The following NAV3 variants were observed in gnomAD, a reference collection of about 807,000 sequenced individuals.
NAV3 encodes neuron navigator 3, also known as pore membrane and/or filament interacting like protein 1.
A neutral mutation model predicts 244.7 loss-of-function variants in NAV3; 87 were observed. That is an observed-to-expected ratio of 0.36 (90% CI 0.30 to 0.42). The LOEUF (loss-of-function observed/expected upper bound fraction) is 0.42. Among genes scored for constraint, NAV3 ranks in the 20% least tolerant of loss-of-function variants. The pLI, the probability that NAV3 is intolerant of heterozygous loss-of-function variation, is 1.00. For synonymous variants in NAV3, 1,126 were observed against 1,042.2 expected (o/e 1.08, Z -1.55); for missense variants, 2,663 against 2,893.3 (o/e 0.92, Z 1.83).
chr12:77,983,090 C>T (rs887315426), intron 5 of NAV3, among the ~76,000 whole-genome samples: 2 of 152,102 alleles, frequency 1.3e-5, no homozygotes, highest in African/African-American at 4.8e-5. Flanking sequence ...AGGCAGAGGT[C>T]AGTTTGTGGA....
chr12:77,924,734 T>A (rs1401240557), intron 1 of NAV3, among the ~76,000 whole-genome samples: 1 of 152,138 alleles, frequency 6.6e-6, no homozygotes, highest in Admixed American at 6.5e-5. Flanking sequence ...AAGTAGTCGA[T>A]CTAAATATTG....
intron 2 of NAV3, among the ~76,000 whole-genome samples, chr12:77,756,490 C>T (rs866559867): frequency 6.6e-6 from 1 of 152,064 alleles, no homozygotes; most frequent in Non-Finnish European, 1.5e-5. Context: ...ATTATCTTGG[C>T]CATTCTCTTG....
intron 12 of NAV3, among the ~76,000 whole-genome samples, chr12:78,086,205 T>A (rs2137919438): frequency 6.6e-6 from 1 of 152,202 alleles, no homozygotes; most frequent in African/African-American, 2.4e-5. Flanking sequence ...TTGGTATAAG[T>A]AGTATTACTA....
At chr12:78,135,085 C>T (rs916810961) in intron 18 of NAV3, among the ~76,000 whole-genome samples, 2 of 152,148 alleles carry the variant, frequency 1.3e-5, no homozygotes, top group Admixed American at 1.3e-4. Flanking sequence ...AGATGGAAAG[C>T]AAAACTACCA....
intron 11 of NAV3, among the ~76,000 whole-genome samples, chr12:78,052,903 A>G (rs574871942): frequency 5.3e-5 from 8 of 151,940 alleles, no homozygotes; most frequent in Non-Finnish European, 1.0e-4. Flanking sequence ...ACATAAGTAT[A>G]CCCATATAAT....
At chr12:77,883,006 C>T (rs1352521558) in intron 1 of NAV3, among the ~76,000 whole-genome samples, 1 of 152,084 alleles carries the variant, frequency 6.6e-6, no homozygotes, top group Non-Finnish European at 1.5e-5. Context: ...ATTAGGTCAG[C>T]CTCTGTGGAA....
intron 12 of NAV3, among the ~76,000 whole-genome samples, chr12:78,067,631 C>G (rs1344559653): frequency 2.0e-5 from 3 of 151,994 alleles, no homozygotes; most frequent in African/African-American, 7.2e-5. Context: ...GTGCTCAATC[C>G]TGGGCTTTTT....
At chr12:77,999,952 G>A (rs1021764136) in intron 7 of NAV3, among the ~76,000 whole-genome samples, 4 of 152,154 alleles carry the variant, frequency 2.6e-5, no homozygotes, top group Non-Finnish European at 4.4e-5. Flanking sequence ...TAAGCAACAC[G>A]ATACCACCGT....
intron 24 of NAV3, among the ~76,000 whole-genome samples, chr12:78,173,846 G>A (rs987605003): frequency 6.6e-6 from 1 of 151,382 alleles, no homozygotes; most frequent in African/African-American, 2.4e-5. Flanking sequence ...ATATGAAGGT[G>A]AGGATACACA....
chr12:78,133,822 T>A (rs300459), intron 18 of NAV3, among the ~76,000 whole-genome samples: 1 of 151,930 alleles, frequency 6.6e-6, no homozygotes, highest in Admixed American at 6.6e-5. Context: ...TAACCCAATC[T>A]CTACCCTTCA....
chr12:77,954,975 A>C (rs1267271011), intron 3 of NAV3, among the ~76,000 whole-genome samples: 1 of 152,092 alleles, frequency 6.6e-6, no homozygotes, highest in African/African-American at 2.4e-5. Context: ...CTTTAAGATC[A>C]AGCTTGACCC....
chr12:77,766,734 A>ATTTTTTTTTTTTTTT (rs1565805085), intron 2 of NAV3, among the ~76,000 whole-genome samples: 11 of 53,430 alleles, frequency 2.1e-4, no homozygotes, highest in African/African-American at 5.7e-4. Flanking sequence ...CAGGCAATTA[A>ATTTTTTTTTTTTTTT]GTTTTTTTTT....
Position 77,733,341 on chromosome 12 carries a change from T to C in NAV3, c.72+161075T>C, listed in dbSNP as rs1301387379. Among the ~76,000 whole-genome samples the C allele has an allele frequency of 7.9e-5, 12 of 151,772 alleles. No homozygotes were observed. The East Asian group carries it at 2.3e-3, about 29-fold the overall frequency. ...TAAGAGAAAAACAGGAAGAAGAGCA[T>C]TTGGGAGATAAGAAAAATATGAATA... On this transcript the variant is annotated intron_variant, in intron 2 of 8. Transcript: ENST00000550042.
chr12:77,707,725 T>C (rs1198259317), intron 2 of NAV3, among the ~76,000 whole-genome samples: 1 of 152,204 alleles, frequency 6.6e-6, no homozygotes, highest in Non-Finnish European at 1.5e-5. Context: ...CAGCACCGGT[T>C]GTTTCCTGAC....
intron 8 of NAV3, among the ~76,000 whole-genome samples, chr12:78,012,472 C>G (rs2136673549): frequency 6.6e-6 from 1 of 152,154 alleles, no homozygotes; most frequent in Non-Finnish European, 1.5e-5. Flanking sequence ...CATGACCCTC[C>G]AGGTTCTAAG....
chr12:77,723,420 C>T (rs774597287), intron 2 of NAV3, among the ~76,000 whole-genome samples: 1 of 151,924 alleles, frequency 6.6e-6, no homozygotes, highest in Non-Finnish European at 1.5e-5. Context: ...AAGAGGTTGG[C>T]ATGCTGCTTA....
chr12:78,210,322 C>G, intron 39 of NAV3, 76 bp from the exon 40 acceptor site: 2 of 1,597,982 alleles, frequency 1.3e-6, no homozygotes, highest in Non-Finnish European at 1.7e-6. Flanking sequence ...TTCGGTGTGG[C>G]TCAGGGCCTT....
At chr12:77,686,285 G>C (rs781137186) in intron 2 of NAV3, among the ~76,000 whole-genome samples, 1 of 152,002 alleles carries the variant, frequency 6.6e-6, no homozygotes, top group Non-Finnish European at 1.5e-5. Flanking sequence ...TAGAGACGGG[G>C]TTTCACCATG....
intron 5 of NAV3, among the ~76,000 whole-genome samples, chr12:77,987,011 T>C (rs1354275842): frequency 6.6e-6 from 1 of 152,198 alleles, no homozygotes; most frequent in African/African-American, 2.4e-5. Flanking sequence ...TGTAAGACTA[T>C]GAGAATAGTT....
Sources: gnomAD v4.1 joint callset for allele counts (sites outside exome capture counted in the v4.1 genomes callset) on GRCh38, gnomAD v4.1.1 for gene constraint, MANE v1.5 for transcripts, NCBI Gene and HGNC (gene_info 2026-07-23, HGNC 2026-07-21) for gene names.